The following DNAJC16 variants were observed in gnomAD, a reference collection of about 807,000 sequenced individuals.
DNAJC16 encodes DnaJ heat shock protein family (Hsp40) member C16, also known as dnaJ homolog subfamily C member 16.
Under a neutral mutation model 92.7 loss-of-function variants are expected in DNAJC16, and 76 were observed. The ratio of observed to expected loss-of-function variants is 0.82; its 90% CI spans 0.68 to 0.99. The LOEUF (loss-of-function observed/expected upper bound fraction) is 0.99, where lower values mean the gene tolerates loss of function less well. DNAJC16 is among the 50% of genes least tolerant of loss of function. The pLI is 0.00. For missense variants in DNAJC16, 869 were observed against 942.4 expected, an observed-to-expected ratio of 0.92 and a Z score of 1.02; for synonymous variants, 328 against 358.7, an observed-to-expected ratio of 0.91 and a Z score of 0.97.
intron 1 of DNAJC16, 43 bp from the exon 2 acceptor site, chr1:15,529,045 A>T: frequency 6.4e-7 from 1 of 1,572,638 alleles, no homozygotes; most frequent in Non-Finnish European, 8.7e-7. Flanking sequence ...AAGACTGTCC[A>T]GGTTTCTGCC....
rs1413982847 is a variant in DNAJC16 at position 15,570,515 on chromosome 1, C to T, written c.*2338C>T. The T allele has an allele frequency of 2.0e-5, 3 of 152,058 alleles. No individual in the cohort carries two copies. The highest frequency in any genetic ancestry group is 7.2e-5 in the African/African-American group (3 of 41,412). The allele number at this position is 152,058 out of a possible 1,614,324, so 9.4% of individuals were successfully genotyped here. ...TATGAGCCACCATGCCAGATTTGTT[C>T]ATTTTTAAACATTTTTATCTCTTCA... On this transcript the variant is annotated 3_prime_UTR_variant, in exon 15 of 15. Transcript: ENST00000375847.
At position 15,546,983 on chromosome 1, in the gene DNAJC16, TG is replaced by T; in HGVS notation, c.864+113del. On this transcript the variant is annotated intron_variant, in intron 6 of 14. Coordinates refer to ENST00000375847, the MANE Select transcript of DNAJC16 (RefSeq NM_015291.4). Reference sequence around the variant, plus strand: ...GAACTTATAGCCTATTTGTCTTTTTTGTAAGAAACAGTTTCATCCATGAGAA... The same window carrying T: ...GAACTTATAGCCTATTTGTCTTTTTTTAAGAAACAGTTTCATCCATGAGAA... 3 of 830,578 alleles carry T rather than the reference TG, an allele frequency of 3.6e-6. No individual in the cohort carries two copies. In the South Asian group the frequency reaches 5.3e-5, roughly 15 times the overall value. The allele number at this position is 830,578 out of a possible 1,614,324, so 51.5% of individuals were successfully genotyped here. A position where few individuals can be genotyped will look rare whatever the true frequency, so the allele number is the denominator to read the frequency against.
At chr1:15,529,628 T>C (rs1371684157) in intron 2 of DNAJC16, among the ~76,000 whole-genome samples, 2 of 152,184 alleles carry the variant, frequency 1.3e-5, no homozygotes, top group Non-Finnish European at 2.9e-5. Flanking sequence ...AAAGTAACTT[T>C]ATGAGTGTAA....
intron 5 of DNAJC16, among the ~76,000 whole-genome samples, chr1:15,545,337 A>G (rs750557073): frequency 2.0e-5 from 3 of 152,356 alleles, no homozygotes; most frequent in Non-Finnish European, 2.9e-5. Flanking sequence ...ATCATTATCT[A>G]TAGGAGAAAT....
chr1:15,567,964 G>C lies in DNAJC16; in HGVS notation c.2136G>C (p.Lys712Asn), dbSNP rs761688090. Residue 712 changes from lysine (K) to asparagine (N), a missense_variant, in exon 15 of 15, where the codon AAG (lysine) becomes AAC (asparagine). Transcript: ENST00000375847. The part of the protein sequence containing the change: ...NGHKKYFCLF[K>N]PQKTVEEEEA... ...ACAAGAAATACTTCTGCCTCTTCAA[G>C]CCCCAAAAGACAGTCGAAGAGGAGG... 1 of 1,614,186 alleles carries C rather than the reference G, an allele frequency of 6.2e-7. No homozygotes were observed. The highest frequency in any genetic ancestry group is 8.5e-7 in the Non-Finnish European group (1 of 1,180,038).
intron 6 of DNAJC16, among the ~76,000 whole-genome samples, chr1:15,547,550 C>G (rs2103414614): frequency 6.6e-6 from 1 of 151,634 alleles, no homozygotes; most frequent in Non-Finnish European, 1.5e-5. Context: ...TCAAGCAATT[C>G]TTTCACCTCT....
At position 15,569,100 on chromosome 1, in the gene DNAJC16, GAAA is replaced by G. The variant is rs1302280985; in HGVS notation, c.*924_*926del. ...AAGCCAGTAGATGTTAAACTGAAGA[GAAA>G]TTATTCCCACCTGCTATGAGTCAGG... On this transcript the variant is annotated 3_prime_UTR_variant, in exon 15 of 15. Coordinates refer to ENST00000375847, the MANE Select transcript of DNAJC16 (RefSeq NM_015291.4). The G allele has an allele frequency of 6.0e-6, 1 of 165,550 alleles. No individual in the cohort carries two copies. Among genetic ancestry groups the G allele is most frequent in the African/African-American group, 2.4e-5 (1 of 42,042 alleles). 10.3% of individuals were successfully genotyped at this position (165,550 alleles called of 1,614,324 possible).
At chr1:15,565,338 T>C (rs1347218213) in intron 11 of DNAJC16, 1 of 156,718 alleles carries the variant, frequency 6.4e-6, no homozygotes, top group Non-Finnish European at 1.4e-5. Flanking sequence ...GGATACCCAC[T>C]CCCACCTACT....
intron 5 of DNAJC16, 151 bp from the exon 6 acceptor site, chr1:15,546,616 T>C (rs1638314472): frequency 3.3e-6 from 2 of 610,182 alleles, no homozygotes; most frequent in East Asian, 5.8e-5. Flanking sequence ...TTAATAGCTT[T>C]AGCCAAATGA....
intron 1 of DNAJC16, among the ~76,000 whole-genome samples, 185 bp downstream of exon 1, chr1:15,527,143 G>T (rs1479294885): frequency 6.6e-6 from 1 of 152,194 alleles, no homozygotes; most frequent in Non-Finnish European, 1.5e-5. Context: ...CTGCAGGGTT[G>T]CGACCTCCGG....
intron 5 of DNAJC16, among the ~76,000 whole-genome samples, chr1:15,544,961 G>C (rs915833420): frequency 6.6e-6 from 1 of 152,138 alleles, no homozygotes; most frequent in African/African-American, 2.4e-5. Flanking sequence ...GAAGATATTT[G>C]TCTTTATGCA....
rs1222047089 is a variant in DNAJC16 at position 15,568,222 on chromosome 1, G to T, written c.*45G>T. On this transcript the variant is annotated 3_prime_UTR_variant, in exon 15 of 15. Transcript: ENST00000375847. ...TTGAACTCTTCAGACTTTTTAACAT[G>T]CCCCTGTGAACAGGTATTTTCAGGA... The T allele has an allele frequency of 2.6e-6, 4 of 1,517,728 alleles. No homozygotes were observed. Among genetic ancestry groups the T allele is most frequent in the Admixed American group, 2.0e-5 (1 of 51,090 alleles). 94.0% of individuals were successfully genotyped at this position (1,517,728 alleles called of 1,614,324 possible).
In DNAJC16 at chr1:15,548,376, C is replaced by G; in HGVS notation, c.971C>G (p.Pro324Arg). Reference sequence around the variant, plus strand: ...CGGTACAACATCAATATCTACGCCCCTACCCTCTTGGTCTTTAAAGAACAT... The same window carrying G: ...CGGTACAACATCAATATCTACGCCCGTACCCTCTTGGTCTTTAAAGAACAT... ...TRRYNINIYA[P>R]TLLVFKEHIN... The change falls in exon 7 of 15, where the codon CCT becomes CGT. Residue 324 changes from proline to arginine, a missense_variant. By Grantham distance (103) the Pro-to-Arg change is moderately radical. Coordinates refer to ENST00000375847, the MANE Select transcript of DNAJC16 (RefSeq NM_015291.4). 6.2e-7 allele frequency: 1 copy of G among 1,614,186 alleles called. No homozygotes were observed. The highest frequency in any genetic ancestry group is 8.5e-7 in the Non-Finnish European group (1 of 1,180,022).
intron 8 of DNAJC16, 122 bp downstream of exon 8, chr1:15,559,778 A>T: frequency 7.2e-7 from 1 of 1,393,752 alleles, no homozygotes; most frequent in African/African-American, 1.4e-5. Context: ...TTTAACAAAT[A>T]CTGGGCCGGG....
intron 2 of DNAJC16, among the ~76,000 whole-genome samples, chr1:15,531,640 G>A (rs1447138975): frequency 1.3e-5 from 2 of 152,146 alleles, no homozygotes; most frequent in Non-Finnish European, 2.9e-5. Context: ...GAGCTGAAAA[G>A]GGTGTTATGA....
chr1:15,548,928 C>T (rs865986428), intron 7 of DNAJC16, among the ~76,000 whole-genome samples: 56 of 152,156 alleles, frequency 3.7e-4, no homozygotes, highest in African/African-American at 1.3e-3. Context: ...TTTTTAATTT[C>T]TAAAGAGCTT....
chr1:15,567,114 A>C lies in DNAJC16; in HGVS notation c.1794A>C (p.Lys598Asn). ...TTCTCCACAGCAAGATTCCTAAAAA[A>C]GGCTTTGTGGAGGTAACTGAACTCA... is the stretch of plus-strand genomic sequence containing the variant. ...TKENSSKIPK[K>N]GFVEVTELTD... The change falls in exon 14 of 15, where the codon AAA becomes AAC. Residue 598 changes from lysine (K) to asparagine (N), a missense_variant. Physicochemically the swap from Lys to Asn is moderately conservative, Grantham distance 94. Transcript: ENST00000375847. The C allele has an allele frequency of 6.2e-7, 1 of 1,607,418 alleles. No individual in the cohort carries two copies. The highest frequency in any genetic ancestry group is 8.5e-7 in the Non-Finnish European group (1 of 1,174,280).
chr1:15,542,500 C>G (rs1557575405), intron 4 of DNAJC16, among the ~76,000 whole-genome samples: 2 of 152,278 alleles, frequency 1.3e-5, no homozygotes, highest in East Asian at 3.9e-4. Context: ...TGTAATATCC[C>G]TTATACCTAA....
chr1:15,539,017 A>T (rs182721464), intron 4 of DNAJC16, among the ~76,000 whole-genome samples: 5 of 152,052 alleles, frequency 3.3e-5, no homozygotes, highest in African/African-American at 4.8e-5. Flanking sequence ...TGAGGGGGGA[A>T]AAAACTTCCC....
Sources: gnomAD v4.1 joint callset for allele counts (sites outside exome capture counted in the v4.1 genomes callset) on GRCh38, gnomAD v4.1.1 for gene constraint, MANE v1.5 for transcripts, NCBI Gene and HGNC (gene_info 2026-07-23, HGNC 2026-07-21) for gene names.